Variants in CDH18 observed in about 807,000 individuals in gnomAD.
The protein encoded by CDH18 is cadherin-18.
CDH18 carries 31 observed loss-of-function variants against 67.9 expected under a neutral mutation model. The observed-to-expected ratio is 0.46, with a 90% confidence interval of 0.34 to 0.62. CDH18 has a LOEUF of 0.62. CDH18 is among the 20% of genes least tolerant of loss of function. The pLI, the probability that CDH18 is intolerant of heterozygous loss-of-function variation, is 0.01. For missense variants in CDH18, 890 were observed against 975.5 expected, an observed-to-expected ratio of 0.91 and a Z score of 1.17; for synonymous variants, 362 against 347.2, an observed-to-expected ratio of 1.04 and a Z score of -0.48.
intron 2 of CDH18, among the ~76,000 whole-genome samples, chr5:20,233,556 G>A (rs1742240258): frequency 6.6e-6 from 1 of 151,338 alleles, no homozygotes; most frequent in Admixed American, 6.6e-5. Context: ...GTTCCTATTT[G>A]CTAATTTGCT....
At chr5:19,739,063 TA>T (rs1260744872) in intron 4 of CDH18, among the ~76,000 whole-genome samples, 5 of 152,116 alleles carry the variant, frequency 3.3e-5, no homozygotes, top group Non-Finnish European at 5.9e-5. Flanking sequence ...ATAAAATAAA[TA>T]AAAAGAATCT....
At chr5:19,825,859 C>A (rs1780352217) in intron 3 of CDH18, among the ~76,000 whole-genome samples, 1 of 152,092 alleles carries the variant, frequency 6.6e-6, no homozygotes, top group East Asian at 1.9e-4. Flanking sequence ...ATGGTTGCTT[C>A]CGGCAAGAGT....
chr5:20,384,502 G>T (rs914062483), intron 1 of CDH18, among the ~76,000 whole-genome samples: 3 of 152,042 alleles, frequency 2.0e-5, no homozygotes, highest in Non-Finnish European at 4.4e-5. Context: ...GGATACTTAG[G>T]TTGATTTCAT....
chr5:20,095,415 G>GAA (rs765836918), intron 2 of CDH18, among the ~76,000 whole-genome samples: 1 of 122,634 alleles, frequency 8.2e-6, no homozygotes, highest in South Asian at 2.8e-4. Flanking sequence ...AAGAAAGAAA[G>GAA]AAAGAAAGAA....
At chr5:20,366,454 C>T (rs11741370) in intron 1 of CDH18, among the ~76,000 whole-genome samples, 86,763 of 152,000 alleles carry the variant, frequency 0.57, 24,992 homozygotes, top group Middle Eastern at 0.65. Flanking sequence ...TCCATAGTCA[C>T]TTTTGCTTCT....
At chr5:20,369,532 G>C (rs1173684452) in intron 1 of CDH18, among the ~76,000 whole-genome samples, 3 of 152,124 alleles carry the variant, frequency 2.0e-5, no homozygotes, top group Non-Finnish European at 4.4e-5. Flanking sequence ...GAAATGTTAC[G>C]AAGTCATTTT....
rs534426629 is a variant in CDH18, at chr5:19,472,584, T to C, written c.*642A>G. On this transcript the variant is annotated 3_prime_UTR_variant, in exon 13 of 13. Coordinates refer to ENST00000382275, the MANE Select transcript of CDH18 (RefSeq NM_004934.5). Reference sequence around the variant, plus strand: ...ACAGCACACAACTGGTGCACTGAAGTTGCATACATTATAGTGCAGGCAGCA... The same window carrying C: ...ACAGCACACAACTGGTGCACTGAAGCTGCATACATTATAGTGCAGGCAGCA... Among the ~76,000 whole-genome samples, 66 of 152,222 alleles carry C rather than the reference T, an allele frequency of 4.3e-4. No individual in the cohort carries two copies. Among genetic ancestry groups the C allele is most frequent in the Non-Finnish European group, 7.4e-4 (50 of 67,992 alleles).
chr5:20,546,528 T>C (rs1305094644), intron 1 of CDH18, among the ~76,000 whole-genome samples: 1 of 152,082 alleles, frequency 6.6e-6, no homozygotes, highest in Non-Finnish European at 1.5e-5. Context: ...GTAAAGCACA[T>C]CTTATGTGGC....
At position 20,356,753 on chromosome 5, in the gene CDH18, CTA is replaced by C. The variant is rs35935150; in HGVS notation, c.-579-101250_-579-101249del. On this transcript the variant is annotated intron_variant, in intron 1 of 14. Coordinates refer to the CDH18 transcript ENST00000507958. Reference sequence around the variant, plus strand: ...TCTCTCTCTCTCTCTCTCTCTCTCTCTATATATATATATATATACACATGCAC... The same window carrying C: ...TCTCTCTCTCTCTCTCTCTCTCTCTCTATATATATATATATACACATGCAC... Among the ~76,000 whole-genome samples the C allele has an allele frequency of 6.5e-3, 792 of 121,504 alleles. 3 individuals are homozygous for C. Among genetic ancestry groups the C allele is most frequent in the South Asian group, 9.6e-3 (33 of 3,442 alleles). 79.7% of individuals were successfully genotyped at this position (121,504 alleles called of 152,430 possible). A position where few individuals can be genotyped will look rare whatever the true frequency, so the allele number is the denominator to read the frequency against.
At chr5:20,465,947 C>T (rs1751605626) in intron 1 of CDH18, among the ~76,000 whole-genome samples, 1 of 152,018 alleles carries the variant, frequency 6.6e-6, no homozygotes, top group South Asian at 2.1e-4. Flanking sequence ...AAACTATGTG[C>T]TGACCAATAG....
At chr5:20,312,342 G>A (rs1737069362) in intron 1 of CDH18, among the ~76,000 whole-genome samples, 1 of 152,016 alleles carries the variant, frequency 6.6e-6, no homozygotes, top group Non-Finnish European at 1.5e-5. Context: ...TTAATTAAAT[G>A]AGCAAGATAA....
At chr5:19,889,910 G>A (rs1198018383) in intron 2 of CDH18, among the ~76,000 whole-genome samples, 1 of 152,112 alleles carries the variant, frequency 6.6e-6, no homozygotes, top group Non-Finnish European at 1.5e-5. Context: ...ATGTACACAT[G>A]AGAAAAATCT....
chr5:20,100,609 T>C (rs1746372625), intron 2 of CDH18, among the ~76,000 whole-genome samples: 1 of 152,212 alleles, frequency 6.6e-6, no homozygotes, highest in Non-Finnish European at 1.5e-5. Flanking sequence ...TTTGCTTATG[T>C]GTTTGTGTCA....
At chr5:20,296,794 T>C (rs1747575363) in intron 1 of CDH18, among the ~76,000 whole-genome samples, 1 of 151,908 alleles carries the variant, frequency 6.6e-6, no homozygotes, top group Admixed American at 6.6e-5. Flanking sequence ...GAAACCATTG[T>C]GAGTCTTTCC....
At chr5:19,923,126 C>T (rs57615073) in intron 2 of CDH18, among the ~76,000 whole-genome samples, 4,139 of 152,240 alleles carry the variant, frequency 0.027, 217 homozygotes, top group East Asian at 0.22. Flanking sequence ...AACCCTACTG[C>T]TGTCATATTG....
intron 2 of CDH18, among the ~76,000 whole-genome samples, chr5:20,139,382 AT>A (rs1750039319): frequency 6.6e-6 from 1 of 152,196 alleles, no homozygotes; most frequent in South Asian, 2.1e-4. Context: ...AACCCAGGAA[AT>A]TCCATTCAGG....
At chr5:20,082,468 T>A (rs1049792280) in intron 2 of CDH18, among the ~76,000 whole-genome samples, 1 of 152,226 alleles carries the variant, frequency 6.6e-6, no homozygotes, top group Non-Finnish European at 1.5e-5. Flanking sequence ...TTATTAAGCC[T>A]AGTGGTCTAT....
At chr5:19,774,808 C>CAAA (rs59248561) in intron 3 of CDH18, among the ~76,000 whole-genome samples, 1,072 of 35,332 alleles carry the variant, frequency 0.03, 354 homozygotes, top group Non-Finnish European at 0.045. Context: ...GACTCTGTCT[C>CAAA]AAAAAAAAAA....
At chr5:19,552,599 A>G (rs553184701) in intron 8 of CDH18, among the ~76,000 whole-genome samples, 2 of 152,312 alleles carry the variant, frequency 1.3e-5, no homozygotes, top group Non-Finnish European at 1.5e-5. Context: ...GTGTGAAATA[A>G]GCATCAAAAT....
Sources: allele counts gnomAD v4.1 joint callset (sites outside exome capture counted in the v4.1 genomes callset), GRCh38; gene constraint gnomAD v4.1.1; transcripts MANE v1.5; gene names NCBI Gene and HGNC (gene_info 2026-07-23, HGNC 2026-07-21).